Variants in PDE4B observed in about 807,000 individuals in gnomAD.
The protein encoded by PDE4B is phosphodiesterase 4B.
A neutral mutation model predicts 82.2 loss-of-function variants in PDE4B; 20 were observed. The observed-to-expected ratio is 0.24, with a 90% CI of 0.17 to 0.35. The LOEUF is 0.35. Among genes scored for constraint, PDE4B ranks in the 10% least tolerant of loss-of-function variants. The pLI is 1.00. For synonymous variants in PDE4B, 320 were observed against 318.9 expected (o/e 1.00, Z -0.04); for missense variants, 655 against 907.2 (o/e 0.72, Z 3.57).
chr1:65,842,264 G>GTT (rs200315416), intron 1 of PDE4B, among the ~76,000 whole-genome samples: 9 of 151,754 alleles, frequency 5.9e-5, no homozygotes, highest in African/African-American at 1.7e-4. Context: ...TTAAGAAAGT[G>GTT]GTTTTTTTTG....
intron 3 of PDE4B, among the ~76,000 whole-genome samples, chr1:66,064,549 A>G (rs1485337605): frequency 6.6e-6 from 1 of 152,010 alleles, no homozygotes; most frequent in Admixed American, 6.6e-5. Context: ...GCTGGTATTT[A>G]CTGTTAGCCA....
chr1:65,946,872 A>G (rs1648740956), intron 3 of PDE4B, among the ~76,000 whole-genome samples: 1 of 152,014 alleles, frequency 6.6e-6, no homozygotes, highest in African/African-American at 2.4e-5. Context: ...TCAACATCAA[A>G]GAGGTCTGCT....
chr1:65,822,050 T>C (rs1373026112), intron 1 of PDE4B, among the ~76,000 whole-genome samples: 2 of 152,204 alleles, frequency 1.3e-5, no homozygotes, highest in Non-Finnish European at 2.9e-5. Flanking sequence ...ACTCTCAATA[T>C]TGTATTTATT....
intron 1 of PDE4B, among the ~76,000 whole-genome samples, chr1:65,872,306 T>C (rs933013505): frequency 6.6e-6 from 1 of 152,176 alleles, no homozygotes; most frequent in East Asian, 1.9e-4. Flanking sequence ...ATTGAATAAT[T>C]GTTAATAATT....
At chr1:66,024,493 A>T (rs1653324846) in intron 3 of PDE4B, among the ~76,000 whole-genome samples, 1 of 152,090 alleles carries the variant, frequency 6.6e-6, no homozygotes. Flanking sequence ...ATTAAACTAG[A>T]ATTTGTCCCT....
intron 3 of PDE4B, among the ~76,000 whole-genome samples, chr1:65,984,684 G>A (rs1414985673): frequency 6.6e-6 from 1 of 152,098 alleles, no homozygotes; most frequent in African/African-American, 2.4e-5. Context: ...AAACCTGAGA[G>A]GTGGAGGTTG....
At chr1:66,038,135 G>T (rs1654165483) in intron 3 of PDE4B, among the ~76,000 whole-genome samples, 1 of 152,028 alleles carries the variant, frequency 6.6e-6, no homozygotes, top group Admixed American at 6.6e-5. Context: ...CAAAATGTGT[G>T]CAGGGGGTAG....
chr1:65,966,413 G>C (rs1335187901), intron 3 of PDE4B, among the ~76,000 whole-genome samples: 1 of 152,098 alleles, frequency 6.6e-6, no homozygotes, highest in African/African-American at 2.4e-5. Flanking sequence ...AAAAACAAAA[G>C]GAAAAACATT....
At chr1:66,354,341 A>G (rs1662064080) in intron 8 of PDE4B, 3 of 962,900 alleles carry the variant, frequency 3.1e-6, no homozygotes, top group African/African-American at 1.8e-5. Flanking sequence ...GGGGGAGGGT[A>G]CTGACTTCAG....
At chr1:66,001,988 G>A (rs1470706695) in intron 3 of PDE4B, among the ~76,000 whole-genome samples, 6 of 152,042 alleles carry the variant, frequency 3.9e-5, no homozygotes, top group African/African-American at 1.2e-4. Flanking sequence ...CTCCCAAAAT[G>A]CTGTGATTAC....
At chr1:66,211,875 C>A (rs779040484) in intron 3 of PDE4B, among the ~76,000 whole-genome samples, 2 of 152,170 alleles carry the variant, frequency 1.3e-5, no homozygotes, top group Non-Finnish European at 2.9e-5. Flanking sequence ...TCCCAGCTGG[C>A]GGATATTCTT....
intron 3 of PDE4B, among the ~76,000 whole-genome samples, chr1:65,960,165 G>C (rs1416183049): frequency 5.9e-5 from 9 of 152,178 alleles, no homozygotes; most frequent in Admixed American, 5.9e-4. Context: ...GGGAACTGCG[G>C]GGGAGATTCC....
intron 10 of PDE4B, among the ~76,000 whole-genome samples, chr1:66,362,575 C>T (rs967261859): frequency 6.6e-6 from 1 of 152,212 alleles, no homozygotes; most frequent in South Asian, 2.1e-4. Context: ...AATCAGATAA[C>T]CTTGGAATAA....
intron 3 of PDE4B, among the ~76,000 whole-genome samples, chr1:66,129,380 G>A (rs1167729258): frequency 6.6e-6 from 1 of 152,094 alleles, no homozygotes; most frequent in South Asian, 2.1e-4. Flanking sequence ...CTCTGTGGCC[G>A]GGCGCGGTGG....
intron 7 of PDE4B, among the ~76,000 whole-genome samples, chr1:66,305,727 T>C (rs534396452): frequency 6.6e-6 from 1 of 152,300 alleles, no homozygotes; most frequent in South Asian, 2.1e-4. Flanking sequence ...GATAGTAATT[T>C]GTCTTCCTGG....
intron 7 of PDE4B, among the ~76,000 whole-genome samples, chr1:66,305,294 T>C (rs1016265083): frequency 7.9e-5 from 12 of 152,120 alleles, no homozygotes; most frequent in South Asian, 2.1e-4. Flanking sequence ...GTTTTATCTT[T>C]CCCTTCTGTG....
chr1:66,031,954 T>C (rs1034845984), intron 3 of PDE4B, among the ~76,000 whole-genome samples: 2 of 152,158 alleles, frequency 1.3e-5, no homozygotes, highest in African/African-American at 2.4e-5. Flanking sequence ...CTTTCAAAGG[T>C]TGGGGCTCCT....
intron 3 of PDE4B, among the ~76,000 whole-genome samples, chr1:66,071,705 G>A (rs1656163416): frequency 6.6e-6 from 1 of 152,028 alleles, no homozygotes. Flanking sequence ...TAGACCTCCT[G>A]TGGACAGCTT....
intron 7 of PDE4B, among the ~76,000 whole-genome samples, chr1:66,269,644 G>T (rs1310925950): frequency 6.6e-6 from 1 of 152,200 alleles, no homozygotes; most frequent in Non-Finnish European, 1.5e-5. Context: ...ACAGGAAAAT[G>T]GGGTGCATGC....
Sources: gnomAD v4.1 joint callset for allele counts (sites outside exome capture counted in the v4.1 genomes callset) on GRCh38, gnomAD v4.1.1 for gene constraint, MANE v1.5 for transcripts, NCBI Gene and HGNC (gene_info 2026-07-23, HGNC 2026-07-21) for gene names.